TMEM14C: variants seen among roughly 807,000 people sequenced by gnomAD.
TMEM14C encodes transmembrane protein 14C.
A neutral mutation model predicts 14.8 loss-of-function variants in TMEM14C; 13 were observed. The observed-to-expected ratio is 0.88, with a 90% confidence interval of 0.57 to 1.40. TMEM14C has a LOEUF of 1.40. Ranked by LOEUF, TMEM14C falls within the 40% of genes most tolerant of loss-of-function variation. The pLI is 0.00. For missense variants in TMEM14C, 142 were observed against 138.8 expected, an observed-to-expected ratio of 1.02 and a Z score of -0.12; for synonymous variants, 57 against 51.3, an observed-to-expected ratio of 1.11 and a Z score of -0.48.
intron 2 of TMEM14C, 27 bp from the exon 3 acceptor site, chr6:10,724,934 A>G (rs943418613): frequency 6.2e-7 from 1 of 1,613,716 alleles, no homozygotes; most frequent in African/African-American, 1.3e-5. Flanking sequence ...CCAGGTTAGC[A>G]CTGACTTCTC....
intron 5 of TMEM14C, among the ~76,000 whole-genome samples, chr6:10,730,317 T>G (rs946472209): frequency 6.6e-6 from 1 of 151,876 alleles, no homozygotes; most frequent in Non-Finnish European, 1.5e-5. Flanking sequence ...CGCTGGAGAG[T>G]CTACCATTAA....
intron 4 of TMEM14C, among the ~76,000 whole-genome samples, chr6:10,728,100 C>T (rs1435683921): frequency 3.3e-5 from 5 of 152,166 alleles, no homozygotes; most frequent in Non-Finnish European, 5.9e-5. Context: ...TTAATTCCTG[C>T]GTAATTTCAG....
At chr6:10,725,101 C>T (rs374750418) in intron 3 of TMEM14C, 64 bp downstream of exon 3, 3 of 1,591,168 alleles carry the variant, frequency 1.9e-6, no homozygotes, top group African/African-American at 2.7e-5. Flanking sequence ...ATGTGAATGC[C>T]CGTGTCCCTG....
At chr6:10,724,923 G>C (rs753568747) in intron 2 of TMEM14C, 38 bp from the exon 3 acceptor site, 2 of 1,612,650 alleles carry the variant, frequency 1.2e-6, no homozygotes, top group East Asian at 4.5e-5. Flanking sequence ...TGTTTTCAAA[G>C]CCAGGTTAGC....
chr6:10,728,599 A>T, intron 4 of TMEM14C, 41 bp from the exon 5 acceptor site: 1 of 1,600,520 alleles, frequency 6.2e-7, no homozygotes, highest in South Asian at 1.1e-5. Context: ...TGCGTAGAAG[A>T]TGTAATGAGT....
chr6:10,729,285 A>G (rs2327306), intron 5 of TMEM14C, among the ~76,000 whole-genome samples: 79,975 of 151,588 alleles, frequency 0.53, 22,202 homozygotes, highest in South Asian at 0.63. Flanking sequence ...ACAGGCGTGC[A>G]CCACCATGCC....
intron 5 of TMEM14C, 155 bp downstream of exon 5, chr6:10,728,882 A>G (rs946105767): frequency 3.3e-6 from 5 of 1,501,546 alleles, no homozygotes; most frequent in Admixed American, 2.0e-5. Context: ...TTCAAAAACA[A>G]TAGCTAGTTT....
At chr6:10,728,910 A>C in intron 5 of TMEM14C, 183 bp downstream of exon 5, 1 of 1,393,896 alleles carries the variant, frequency 7.2e-7, no homozygotes. Context: ...AAATGGCATG[A>C]GTATATCCAT....
intron 3 of TMEM14C, among the ~76,000 whole-genome samples, chr6:10,725,387 T>C (rs1396209394): frequency 6.6e-6 from 1 of 152,226 alleles, no homozygotes; most frequent in Non-Finnish European, 1.5e-5. Context: ...CAGACTGGTA[T>C]TTTGAACTCT....
chr6:10,730,996 C>A lies in TMEM14C; in HGVS notation c.*330C>A. 9.8e-7 allele frequency: 1 copy of A among 1,016,224 alleles called. No homozygotes were observed. Among genetic ancestry groups the A allele is most frequent in the Non-Finnish European group, 1.2e-6 (1 of 850,306 alleles). 63.0% of individuals were successfully genotyped at this position (1,016,224 alleles called of 1,614,324 possible). ...GGGCTCTGAAACCCCATTCCCTGCT[C>A]TGAGGAACAGTGTGAAAAAAAGTCT... On this transcript the variant is annotated 3_prime_UTR_variant, in exon 6 of 6. Transcript: ENST00000229563.
At chr6:10,724,516 G>T in intron 1 of TMEM14C, 54 bp from the exon 2 acceptor site, 2 of 1,270,828 alleles carry the variant, frequency 1.6e-6, no homozygotes, top group South Asian at 2.5e-5. Flanking sequence ...ACTTCTTTCT[G>T]ACTGCTGGAG....
At chr6:10,726,181 T>C (rs1770854064) in intron 4 of TMEM14C, among the ~76,000 whole-genome samples, 173 bp downstream of exon 4, 2 of 152,208 alleles carry the variant, frequency 1.3e-5, no homozygotes, top group African/African-American at 2.4e-5. Flanking sequence ...GCAGGAATTA[T>C]GCTGGTTTCT....
At position 10,723,508 on chromosome 6, in the gene TMEM14C, C is replaced by T. The variant is rs974822342; in HGVS notation, c.-45+267C>T. Among the ~76,000 whole-genome samples the T allele has an allele frequency of 3.9e-5, 6 of 152,136 alleles. No individual in the cohort carries two copies. In the East Asian group the frequency reaches 5.8e-4, roughly 15 times the overall value. On this transcript the variant is annotated intron_variant, in intron 1 of 5. Coordinates refer to ENST00000229563, the MANE Select transcript of TMEM14C (RefSeq NM_016462.4). ...TTTCTTGCTCCATCTCTTTAAAAGC[C>T]TCCCTTACTCGGTGCCGTCTCGAGT... is the stretch of plus-strand genomic sequence containing the variant.
intron 1 of TMEM14C, 186 bp from the exon 2 acceptor site, chr6:10,724,384 C>T (rs569531092): frequency 7.1e-6 from 4 of 564,504 alleles, no homozygotes; most frequent in East Asian, 5.8e-5. Context: ...AGGTGCTAAG[C>T]ACCTTTACAT....
rs1308910532 is a variant in TMEM14C at position 10,724,576 on chromosome 6, G to A, written c.-38G>A. ...TCCAGCTTGTTTTCTGCAGGTGCAG[G>A]CCTGGGGTAGTCTCCTGTCTGGACA... On this transcript the variant is annotated 5_prime_UTR_variant, in exon 2 of 6. Coordinates refer to ENST00000229563, the MANE Select transcript of TMEM14C (RefSeq NM_016462.4). The A allele has an allele frequency of 3.1e-6, 5 of 1,611,634 alleles. No homozygotes were observed. The East Asian group carries it at 6.7e-5, about 22-fold the overall frequency.
At chr6:10,724,444 T>C (rs1770794462) in intron 1 of TMEM14C, 126 bp from the exon 2 acceptor site, 1 of 651,364 alleles carries the variant, frequency 1.5e-6, no homozygotes, top group Admixed American at 2.6e-5. Context: ...GGTACCAGTG[T>C]TATCCTCATG....
At chr6:10,724,158 C>T (rs561487751) in intron 1 of TMEM14C, among the ~76,000 whole-genome samples, 2 of 152,178 alleles carry the variant, frequency 1.3e-5, no homozygotes, top group African/African-American at 2.4e-5. Flanking sequence ...AAAAGCAACA[C>T]CCCTACCTCC....
intron 5 of TMEM14C, among the ~76,000 whole-genome samples, chr6:10,729,002 G>A (rs1770953048): frequency 6.6e-6 from 1 of 152,198 alleles, no homozygotes; most frequent in South Asian, 2.1e-4. Flanking sequence ...AAGTTTTAGT[G>A]CAAAGCCATG....
chr6:10,723,774 T>A (rs1389077643), intron 1 of TMEM14C, among the ~76,000 whole-genome samples: 2 of 152,018 alleles, frequency 1.3e-5, no homozygotes, highest in African/African-American at 2.4e-5. Context: ...TTAATTTTTT[T>A]ATATTTTTTA....
Sources: allele counts gnomAD v4.1 joint callset (sites outside exome capture counted in the v4.1 genomes callset), GRCh38; gene constraint gnomAD v4.1.1; transcripts MANE v1.5; gene names NCBI Gene and HGNC (gene_info 2026-07-23, HGNC 2026-07-21).